The following TSGA13 variants were observed in gnomAD, a reference collection of about 807,000 sequenced individuals.
TSGA13 encodes testis-specific gene 13 protein.
Under a neutral mutation model 35.1 loss-of-function variants are expected in TSGA13, and 37 were observed. That is an observed-to-expected ratio of 1.05 (90% CI 0.81 to 1.39). The LOEUF is 1.39. TSGA13 is among the 40% of genes most tolerant of loss of function. The pLI, the probability that TSGA13 is intolerant of heterozygous loss-of-function variation, is 0.00. For synonymous variants in TSGA13, 124 were observed against 121.2 expected, an observed-to-expected ratio of 1.02 and a Z score of -0.15; for missense variants, 338 against 328.5, an observed-to-expected ratio of 1.03 and a Z score of -0.22.
chr7:130,673,281 A>C (rs942755131), intron 5 of TSGA13, among the ~76,000 whole-genome samples: 14 of 152,182 alleles, frequency 9.2e-5, no homozygotes, highest in Non-Finnish European at 2.1e-4. Flanking sequence ...CCTCATCCAC[A>C]TTCCATTCTC....
At chr7:130,673,045 T>G (rs540875922) in intron 5 of TSGA13, among the ~76,000 whole-genome samples, 169 bp from the exon 6 acceptor site, 1 of 152,290 alleles carries the variant, frequency 6.6e-6, no homozygotes, top group East Asian at 1.9e-4. Context: ...AGCCGTTCCC[T>G]GGGAGGGAAA....
Position 130,679,344 on chromosome 7 carries a change from C to T in TSGA13, c.198G>A (p.Lys66=), listed in dbSNP as rs376543707. The T allele has an allele frequency of 1.6e-5, 26 of 1,612,728 alleles. No homozygotes were observed. The highest frequency in any genetic ancestry group is 2.1e-5 in the Non-Finnish European group (25 of 1,179,416). ...PNLAQYYKPL[K]ATALQKFLAQ... ...CCAGGAATTTCTGCAGGGCAGTGGC[C>T]TTCAAAGGCTTATAGTACTGGGCCT... is the stretch of plus-strand genomic sequence containing the variant. The change falls in exon 5 of 8, where the codon AAG becomes AAA. Residue 66 remains lysine (K), a synonymous_variant. Coordinates refer to ENST00000356588, the MANE Select transcript of TSGA13 (RefSeq NM_052933.4).
chr7:130,685,179 A>T lies in TSGA13; in HGVS notation c.23+9T>A. 1 of 1,612,938 alleles carries T rather than the reference A, an allele frequency of 6.2e-7. No individual in the cohort carries two copies. Among genetic ancestry groups the T allele is most frequent in the Non-Finnish European group, 8.5e-7 (1 of 1,178,954 alleles). On this transcript the variant is annotated intron_variant, in intron 2 of 7. Coordinates refer to ENST00000356588, the MANE Select transcript of TSGA13 (RefSeq NM_052933.4). Reference sequence around the variant, plus strand: ...TTTATAACTTAGTTGGGCAAACAAGACTACATACTTGGTTTGTCTCTTTTG... The same window carrying T: ...TTTATAACTTAGTTGGGCAAACAAGTCTACATACTTGGTTTGTCTCTTTTG...
intron 5 of TSGA13, among the ~76,000 whole-genome samples, chr7:130,678,378 C>CAA (rs10634079): frequency 1.3e-4 from 17 of 132,786 alleles, no homozygotes; most frequent in Non-Finnish European, 1.6e-4. Context: ...GACTCCGTCT[C>CAA]AAAAAAAAAA....
upstream of TSGA13, chr7:130,687,014 G>T (rs1796673892): frequency 1.3e-5 from 2 of 152,482 alleles, no homozygotes; most frequent in African/African-American, 4.8e-5. Context: ...GAGTAGCTGG[G>T]ACTACAGGCG....
At chr7:130,676,240 T>G (rs1796408960) in intron 5 of TSGA13, among the ~76,000 whole-genome samples, 1 of 152,234 alleles carries the variant, frequency 6.6e-6, no homozygotes, top group African/African-American at 2.4e-5. Context: ...AGAGGCATTG[T>G]AGATATCACA....
intron 5 of TSGA13, among the ~76,000 whole-genome samples, chr7:130,678,727 G>C (rs1796469454): frequency 6.6e-6 from 1 of 152,062 alleles, no homozygotes. Flanking sequence ...TCAGGAATAA[G>C]AAGGAAGAGA....
intron 4 of TSGA13, among the ~76,000 whole-genome samples, chr7:130,680,507 GA>G (rs5887470): frequency 0.47 from 56,100 of 118,854 alleles, 13,718 homozygotes; most frequent in East Asian, 0.61. Flanking sequence ...CTCCATCTCA[GA>G]AAAAAAAAAA....
intron 5 of TSGA13, among the ~76,000 whole-genome samples, chr7:130,675,880 C>T (rs782552367): frequency 6.6e-6 from 1 of 152,194 alleles, no homozygotes; most frequent in Non-Finnish European, 1.5e-5. Context: ...ATCCACATCA[C>T]AGGTCACTAC....
intron 5 of TSGA13, among the ~76,000 whole-genome samples, chr7:130,678,337 C>T (rs1796459622): frequency 6.6e-6 from 1 of 151,808 alleles, no homozygotes; most frequent in South Asian, 2.1e-4. Flanking sequence ...CGAGATCGCG[C>T]CACTGTACTC....
chr7:130,675,545 G>A (rs2116310477), intron 5 of TSGA13, among the ~76,000 whole-genome samples: 1 of 152,194 alleles, frequency 6.6e-6, no homozygotes, highest in East Asian at 1.9e-4. Flanking sequence ...CACCACGCCT[G>A]GCTAATTTTT....
chr7:130,683,773 G>A (rs753465660), intron 2 of TSGA13, 101 bp from the exon 3 acceptor site: 13 of 1,032,202 alleles, frequency 1.3e-5, no homozygotes, highest in Non-Finnish European at 1.7e-5. Context: ...GCCTAACTCA[G>A]ACAAGTCCAA....
chr7:130,685,042 T>G (rs1796631806), intron 2 of TSGA13, 146 bp downstream of exon 2: 1 of 865,640 alleles, frequency 1.2e-6, no homozygotes, highest in Middle Eastern at 3.1e-4. Context: ...CAAGATCCGG[T>G]TTTTGATCCA....
rs1796633833 is a variant in TSGA13 at position 130,685,170 on chromosome 7, G to A, written c.23+18C>T. 3 of 1,611,802 alleles carry A rather than the reference G, an allele frequency of 1.9e-6. No homozygotes were observed. Among genetic ancestry groups the A allele is most frequent in the Non-Finnish European group, 2.5e-6 (3 of 1,178,004 alleles). ...AAAGTGGTGTTTATAACTTAGTTGG[G>A]CAAACAAGACTACATACTTGGTTTG... On this transcript the variant is annotated intron_variant, in intron 2 of 7. Coordinates refer to ENST00000356588, the MANE Select transcript of TSGA13 (RefSeq NM_052933.4).
intron 5 of TSGA13, 62 bp from the exon 6 acceptor site, chr7:130,672,938 T>A (rs1796316079): frequency 7.3e-6 from 11 of 1,505,362 alleles, no homozygotes; most frequent in Middle Eastern, 3.8e-4. Context: ...ATTTTAAGTT[T>A]GGACCAAGTT....
chr7:130,681,761 C>G (rs932231663), intron 3 of TSGA13, among the ~76,000 whole-genome samples: 1 of 151,904 alleles, frequency 6.6e-6, no homozygotes, highest in African/African-American at 2.4e-5. Flanking sequence ...TTCTGCTGAC[C>G]TAGTGTTCTT....
Position 130,679,300 on chromosome 7 carries a change from G to C in TSGA13, c.242C>G (p.Thr81Ser). The change falls in exon 5 of 8, where the codon ACC becomes AGC. Residue 81 changes from threonine to serine, a missense_variant. Transcript: ENST00000356588. ...QKFLAQNRKN[T>S]SFMLKVTQYD... Reference sequence around the variant, plus strand: ...CTGTGTTACTTTTAACATGAAGCTGGTGTTTTTCCTGTTTTGAGCCAGGAA... The same window carrying C: ...CTGTGTTACTTTTAACATGAAGCTGCTGTTTTTCCTGTTTTGAGCCAGGAA... 6.2e-7 allele frequency: 1 copy of C among 1,614,198 alleles called. No individual in the cohort carries two copies. The highest frequency in any genetic ancestry group is 1.3e-5 in the African/African-American group (1 of 75,050).
In TSGA13 at chr7:130,679,043, A is replaced by G. The variant is rs568223082; in HGVS notation, c.387+112T>C. 6 of 926,142 alleles carry G rather than the reference A, an allele frequency of 6.5e-6. No homozygotes were observed. The African/African-American group carries it at 9.9e-5, about 15-fold the overall frequency. 57.4% of individuals were successfully genotyped at this position (926,142 alleles called of 1,614,324 possible). ...CCCTATCTCAAACAAACAAACAAAA[A>G]AATTAAGAGGTTTTCTGAGTACTAT... is the stretch of plus-strand genomic sequence containing the variant. On this transcript the variant is annotated intron_variant, in intron 5 of 7. Coordinates refer to ENST00000356588, the MANE Select transcript of TSGA13 (RefSeq NM_052933.4).
intron 5 of TSGA13, 89 bp from the exon 6 acceptor site, chr7:130,672,965 A>G (rs1208426829): frequency 5.0e-6 from 7 of 1,406,928 alleles, no homozygotes; most frequent in Admixed American, 2.6e-5. Flanking sequence ...CTAAGTTCCA[A>G]TTCCCCTACA....
Sources: allele counts gnomAD v4.1 joint callset (sites outside exome capture counted in the v4.1 genomes callset), GRCh38; gene constraint gnomAD v4.1.1; transcripts MANE v1.5; gene names NCBI Gene and HGNC (gene_info 2026-07-23, HGNC 2026-07-21).